Variants in SCOC observed in about 807,000 individuals in gnomAD.
SCOC encodes short coiled coil protein.
SCOC carries 7 observed loss-of-function variants against 9.9 expected under a neutral mutation model. The observed-to-expected ratio is 0.71, with a 90% CI of 0.40 to 1.33. The LOEUF (loss-of-function observed/expected upper bound fraction) is 1.33. SCOC is among the 40% of genes most tolerant of loss of function. SCOC has a pLI of 0.01. For synonymous variants in SCOC, 19 were observed against 28.2 expected (o/e 0.67, Z 1.03); for missense variants, 66 against 89.7 (o/e 0.74, Z 1.07).
Position 140,313,885 on chromosome 4 carries a change from T to C in SCOC, c.-18-29736T>C, listed in dbSNP as rs533707280. Among the ~76,000 whole-genome samples, 16 of 152,228 alleles carry C rather than the reference T, an allele frequency of 1.1e-4. No individual in the cohort carries two copies. The East Asian group carries it at 3.1e-3, about 29-fold the overall frequency. ...GCTCATGCCTGTAATCCCAGCACTT[T>C]GGGAGGCTGAGGCGGGTGGCTCACT... On this transcript the variant is annotated intron_variant, in intron 1 of 4. Coordinates refer to the SCOC transcript ENST00000394205.
chr4:140,319,697 T>G (rs1732441039), intron 1 of SCOC, among the ~76,000 whole-genome samples: 1 of 152,098 alleles, frequency 6.6e-6, no homozygotes, highest in Admixed American at 6.6e-5. Flanking sequence ...AAATAATGGT[T>G]CTTGTTAAAG....
chr4:140,377,829 T>C (rs1728404787), intron 1 of SCOC, among the ~76,000 whole-genome samples: 1 of 152,220 alleles, frequency 6.6e-6, no homozygotes, highest in South Asian at 2.1e-4. Flanking sequence ...ATAGGTCTGC[T>C]TTCTACTGTT....
upstream of SCOC, among the ~76,000 whole-genome samples, chr4:140,339,112 A>G (rs1403770742): frequency 6.6e-6 from 1 of 152,220 alleles, no homozygotes; most frequent in Non-Finnish European, 1.5e-5. Context: ...ATATAGACCA[A>G]TGGAACAGAA....
chr4:140,343,789 A>C, intron 2 of SCOC: 1 of 1,007,582 alleles, frequency 9.9e-7, no homozygotes, highest in Non-Finnish European at 1.5e-6. Flanking sequence ...TATTATTTTC[A>C]GTATAATGAT....
intron 1 of SCOC, among the ~76,000 whole-genome samples, chr4:140,287,841 A>G (rs907066030): frequency 2.0e-5 from 3 of 152,010 alleles, no homozygotes; most frequent in Non-Finnish European, 4.4e-5. Context: ...CACTATGCAC[A>G]TAACTATGAC....
intron 1 of SCOC, among the ~76,000 whole-genome samples, chr4:140,335,767 T>G (rs1211077214): frequency 6.6e-6 from 1 of 152,184 alleles, no homozygotes; most frequent in East Asian, 1.9e-4. Flanking sequence ...ATATTGATAT[T>G]TTGAGATCAT....
At chr4:140,343,303 G>A (rs72716320), upstream of SCOC, 1,200 of 202,832 alleles carry the variant, frequency 5.9e-3, 9 homozygotes, top group Middle Eastern at 0.019. Flanking sequence ...TTATCCTTAC[G>A]CTTTTTGGAC....
At chr4:140,368,719 C>T (rs144597696), upstream of SCOC, among the ~76,000 whole-genome samples, 420 of 152,156 alleles carry the variant, frequency 2.8e-3, 2 homozygotes, top group Non-Finnish European at 5.1e-3. Flanking sequence ...GGAGAAAAGG[C>T]GCAGGTAGGG....
upstream of SCOC, among the ~76,000 whole-genome samples, chr4:140,342,325 C>G (rs1726545237): frequency 6.6e-6 from 1 of 152,146 alleles, no homozygotes; most frequent in South Asian, 2.1e-4. Context: ...CTTTCAGGGT[C>G]CTGTCAGCTG....
At chr4:140,328,278 C>T (rs997399872) in intron 1 of SCOC, among the ~76,000 whole-genome samples, 1 of 152,166 alleles carries the variant, frequency 6.6e-6, no homozygotes, top group African/African-American at 2.4e-5. Context: ...TTATTCCTCT[C>T]TGAATCCACA....
At chr4:140,359,137 CTGAG>C (rs1727356123) in intron 2 of SCOC, among the ~76,000 whole-genome samples, 2 of 152,098 alleles carry the variant, frequency 1.3e-5, no homozygotes, top group East Asian at 3.9e-4. Context: ...TATTTTGTGG[CTGAG>C]TGATTCAGGA....
chr4:140,344,222 C>A (rs1402172078), intron 2 of SCOC, among the ~76,000 whole-genome samples: 1 of 152,116 alleles, frequency 6.6e-6, no homozygotes, highest in African/African-American at 2.4e-5. Flanking sequence ...AAAGGATAAC[C>A]ATGGTTCATT....
intron 1 of SCOC, among the ~76,000 whole-genome samples, chr4:140,296,316 A>C (rs1731635305): frequency 6.6e-6 from 1 of 152,118 alleles, no homozygotes; most frequent in Admixed American, 6.5e-5. Context: ...AATGGGCAAA[A>C]TTTCTGAAGG....
chr4:140,286,902 G>A (rs561175504), intron 1 of SCOC, among the ~76,000 whole-genome samples: 2 of 152,244 alleles, frequency 1.3e-5, no homozygotes, highest in South Asian at 4.1e-4. Flanking sequence ...GATACTAGCT[G>A]TTCCCCCAGA....
intron 1 of SCOC, among the ~76,000 whole-genome samples, chr4:140,306,865 A>G (rs774129163): frequency 1.3e-5 from 2 of 152,182 alleles, no homozygotes; most frequent in Non-Finnish European, 2.9e-5. Flanking sequence ...GTCTCCAGTA[A>G]ATAGATTTAT....
Position 140,379,642 on chromosome 4 carries a change from C to A in SCOC, c.96C>A (p.His32Gln). 6.2e-7 allele frequency: 1 copy of A among 1,609,352 alleles called. No individual in the cohort carries two copies. ...TTAATCAAGTGTTGGAACTCCAACA[C>A]ACACTTGAAGGTTGGCTTGCATTTT... The part of the protein sequence containing the change: ...RLINQVLELQ[H>Q]TLEDLSARVD... Residue 32 changes from histidine (H) to glutamine (Q), a missense_variant, in exon 3 of 4, where the codon CAC (histidine) becomes CAA (glutamine). Physicochemically the swap from His to Gln is conservative, Grantham distance 24. Coordinates refer to ENST00000608372, the MANE Select transcript of SCOC (RefSeq NM_001153484.2).
intron 1 of SCOC, among the ~76,000 whole-genome samples, chr4:140,376,154 T>C (rs1366027043): frequency 6.6e-6 from 1 of 152,220 alleles, no homozygotes; most frequent in African/African-American, 2.4e-5. Context: ...ATGTAGACTT[T>C]GGGCAGTTTG....
chr4:140,321,968 G>C (rs560346617), intron 1 of SCOC, among the ~76,000 whole-genome samples: 12 of 152,264 alleles, frequency 7.9e-5, no homozygotes, highest in African/African-American at 2.4e-4. Context: ...GGGCTTGCAG[G>C]AGTAGGTTTG....
At chr4:140,368,096 T>A (rs555476756) in intron 2 of SCOC, among the ~76,000 whole-genome samples, 1 of 152,324 alleles carries the variant, frequency 6.6e-6, no homozygotes, top group South Asian at 2.1e-4. Flanking sequence ...CTGTACAGTA[T>A]CTAGCTCACG....
Sources: gnomAD v4.1 joint callset for allele counts (sites outside exome capture counted in the v4.1 genomes callset) on GRCh38, gnomAD v4.1.1 for gene constraint, MANE v1.5 for transcripts, NCBI Gene and HGNC (gene_info 2026-07-23, HGNC 2026-07-21) for gene names.